Variants in CSMD1 observed in about 807,000 individuals in gnomAD.
The protein encoded by CSMD1 is CUB and Sushi multiple domains 1.
CSMD1 carries 213 observed loss-of-function variants against 417.5 expected under a neutral mutation model. The ratio of observed to expected loss-of-function variants is 0.51; its 90% CI spans 0.46 to 0.57. CSMD1 has a LOEUF of 0.57. Among genes scored for constraint, CSMD1 ranks in the 20% least tolerant of loss-of-function variants. The probability of loss-of-function intolerance (pLI) is 0.00; values close to 1 mark genes in which losing one functional copy is unlikely to be tolerated. For synonymous variants in CSMD1, 2,862 were observed against 1,736.8 expected (o/e 1.65, Z -16.11); for missense variants, 6,923 against 4,529.7 (o/e 1.53, Z -15.17).
intron 3 of CSMD1, among the ~76,000 whole-genome samples, chr8:4,095,739 G>C (rs1276545580): frequency 6.6e-6 from 1 of 152,128 alleles, no homozygotes; most frequent in South Asian, 2.1e-4. Flanking sequence ...AAGTCACGTA[G>C]TTTTATTTCT....
chr8:3,437,576 C>T (rs1376091394), intron 12 of CSMD1, among the ~76,000 whole-genome samples: 1 of 152,114 alleles, frequency 6.6e-6, no homozygotes, highest in Non-Finnish European at 1.5e-5. Flanking sequence ...TGCAGGAGCC[C>T]ATCCTCAATG....
chr8:4,770,627 C>T (rs186556746), intron 1 of CSMD1, among the ~76,000 whole-genome samples: 40 of 151,692 alleles, frequency 2.6e-4, no homozygotes, highest in Admixed American at 1.9e-3. Context: ...CATGGACCAG[C>T]GGAAGAGAAT....
intron 2 of CSMD1, among the ~76,000 whole-genome samples, chr8:4,440,504 A>C (rs1225461971): frequency 6.6e-6 from 1 of 152,148 alleles, no homozygotes; most frequent in South Asian, 2.1e-4. Context: ...TTCCCTCTAT[A>C]ATTTCTATGG....
intron 6 of CSMD1, among the ~76,000 whole-genome samples, chr8:3,727,606 G>C (rs994279447): frequency 6.6e-6 from 1 of 152,142 alleles, no homozygotes; most frequent in East Asian, 1.9e-4. Flanking sequence ...ACTGCAATTC[G>C]ACTTTTGCGT....
chr8:3,479,423 G>A (rs1309839328), intron 11 of CSMD1, among the ~76,000 whole-genome samples: 1 of 152,114 alleles, frequency 6.6e-6, no homozygotes, highest in Non-Finnish European at 1.5e-5. Context: ...TGGGATTACA[G>A]GCATGCACCA....
chr8:3,417,021 T>C (rs1813198635), intron 12 of CSMD1, among the ~76,000 whole-genome samples: 1 of 152,358 alleles, frequency 6.6e-6, no homozygotes, highest in East Asian at 1.9e-4. Context: ...CCCTGAATTT[T>C]AGTGAGAATG....
chr8:2,980,638 C>G (rs1805326358), intron 54 of CSMD1, among the ~76,000 whole-genome samples: 1 of 151,602 alleles, frequency 6.6e-6, no homozygotes, highest in African/African-American at 2.4e-5. Flanking sequence ...CTCTGAGTTC[C>G]ACCACGGCTG....
intron 7 of CSMD1, among the ~76,000 whole-genome samples, chr8:3,666,833 A>G (rs1798718001): frequency 6.6e-6 from 1 of 152,110 alleles, no homozygotes; most frequent in Non-Finnish European, 1.5e-5. Context: ...AGTCCATTAA[A>G]TCTCTTTTTC....
chr8:3,428,681 G>C (rs1384073931), intron 12 of CSMD1, among the ~76,000 whole-genome samples: 1 of 152,098 alleles, frequency 6.6e-6, no homozygotes, highest in African/African-American at 2.4e-5. Flanking sequence ...ACTATCATAT[G>C]ATCCAGTCAT....
intron 2 of CSMD1, among the ~76,000 whole-genome samples, chr8:4,485,939 G>A (rs1801354764): frequency 6.6e-6 from 1 of 151,838 alleles, no homozygotes; most frequent in South Asian, 2.1e-4. Context: ...TTATTTTGTA[G>A]CCACAAAGTT....
intron 7 of CSMD1, among the ~76,000 whole-genome samples, chr8:3,687,725 G>T (rs1052198255): frequency 6.6e-6 from 1 of 152,134 alleles, no homozygotes; most frequent in African/African-American, 2.4e-5. Flanking sequence ...TTGGAAGCAC[G>T]CTGCTATCTT....
At chr8:2,959,008 G>C (rs1803244398) in intron 62 of CSMD1, among the ~76,000 whole-genome samples, 1 of 152,190 alleles carries the variant, frequency 6.6e-6, no homozygotes. Flanking sequence ...ATAAAGAAAA[G>C]TACAAATTTA....
At chr8:3,300,109 C>A (rs1193120867) in intron 25 of CSMD1, among the ~76,000 whole-genome samples, 1 of 152,060 alleles carries the variant, frequency 6.6e-6, no homozygotes, top group Non-Finnish European at 1.5e-5. Context: ...CACATTCAGG[C>A]AATGGAATAC....
chr8:3,744,218 A>G (rs1563332914), intron 6 of CSMD1, among the ~76,000 whole-genome samples: 1 of 152,212 alleles, frequency 6.6e-6, no homozygotes, highest in Non-Finnish European at 1.5e-5. Context: ...GACGTGTTCA[A>G]GCCGCAGCAG....
In CSMD1 at chr8:3,740,832, G is replaced by C. The variant is rs116019579; in HGVS notation, c.931+13098C>G. On this transcript the variant is annotated intron_variant, in intron 6 of 69. Coordinates refer to ENST00000635120, the MANE Select transcript of CSMD1 (RefSeq NM_033225.6). ...TTAGGGAGGCTATGCAGGCAACAGA[G>C]TGCCCAGTGGAGGAGAGTATAGCAG... Among the ~76,000 whole-genome samples, 1,198 of 152,264 alleles carry C rather than the reference G, an allele frequency of 7.9e-3. 13 individuals are homozygous for C. The highest frequency in any genetic ancestry group is 0.034 in the Middle Eastern group (10 of 294).
intron 2 of CSMD1, among the ~76,000 whole-genome samples, chr8:4,465,154 A>C (rs960303871): frequency 4.6e-5 from 7 of 152,124 alleles, no homozygotes; most frequent in Non-Finnish European, 1.0e-4. Context: ...CCCCCAAACT[A>C]TGTCACTTTA....
At chr8:4,930,959 T>C (rs1807208639) in intron 1 of CSMD1, among the ~76,000 whole-genome samples, 1 of 152,184 alleles carries the variant, frequency 6.6e-6, no homozygotes, top group Non-Finnish European at 1.5e-5. Flanking sequence ...CAGAAGCTTA[T>C]GGAACTTTGA....
chr8:3,796,906 A>G (rs1800185285), intron 5 of CSMD1, among the ~76,000 whole-genome samples: 1 of 151,740 alleles, frequency 6.6e-6, no homozygotes, highest in Non-Finnish European at 1.5e-5. Context: ...CTGCCTAACA[A>G]CTCATTATAG....
rs964795524 is a variant in CSMD1, at chr8:4,911,966, A to C, written c.85+82366T>G. ...ATTTTAAGCCCCACCCAGAAAGTTC[A>C]GTTTAATAATTTCTCCACAAGAAGT... On this transcript the variant is annotated intron_variant, in intron 1 of 69. Transcript: ENST00000635120. Among the ~76,000 whole-genome samples the C allele has an allele frequency of 5.3e-5, 8 of 152,176 alleles. No individual in the cohort carries two copies. In the East Asian group the frequency reaches 1.5e-3, roughly 29 times the overall value.
Sources: gnomAD v4.1 joint callset for allele counts (sites outside exome capture counted in the v4.1 genomes callset) on GRCh38, gnomAD v4.1.1 for gene constraint, MANE v1.5 for transcripts, NCBI Gene and HGNC (gene_info 2026-07-23, HGNC 2026-07-21) for gene names.